Variants in GPC6 observed in about 807,000 individuals in gnomAD.
GPC6 encodes glypican 6.
A neutral mutation model predicts 55.2 loss-of-function variants in GPC6; 14 were observed. That is an observed-to-expected ratio of 0.25 (90% CI 0.17 to 0.40). The LOEUF is 0.40. GPC6 is among the 10% of genes least tolerant of loss of function. The pLI is 1.00. For synonymous variants in GPC6, 278 were observed against 259.6 expected, an observed-to-expected ratio of 1.07 and a Z score of -0.68; for missense variants, 641 against 708.5, an observed-to-expected ratio of 0.90 and a Z score of 1.08.
At chr13:93,621,980 G>T (rs1441043803) in intron 2 of GPC6, among the ~76,000 whole-genome samples, 2 of 151,820 alleles carry the variant, frequency 1.3e-5, no homozygotes, top group Non-Finnish European at 2.9e-5. Context: ...CTGTATGTTT[G>T]TACCCATTAA....
At chr13:93,490,136 T>C (rs906809734) in intron 1 of GPC6, among the ~76,000 whole-genome samples, 1 of 151,436 alleles carries the variant, frequency 6.6e-6, no homozygotes, top group Non-Finnish European at 1.5e-5. Context: ...TTTTGAGATA[T>C]GTCCCATCAA....
chr13:94,239,898 T>G (rs1032666542), intron 4 of GPC6, among the ~76,000 whole-genome samples: 2 of 152,062 alleles, frequency 1.3e-5, no homozygotes, highest in African/African-American at 4.8e-5. Flanking sequence ...TGGGGAGATG[T>G]GTTGTGCAAA....
At chr13:94,170,051 G>T (rs1191756208) in intron 4 of GPC6, among the ~76,000 whole-genome samples, 1 of 152,128 alleles carries the variant, frequency 6.6e-6, no homozygotes, top group African/African-American at 2.4e-5. Context: ...CTTTGGCACT[G>T]CTACTGTTGG....
chr13:93,778,329 C>T (rs927802218), intron 2 of GPC6, among the ~76,000 whole-genome samples: 6 of 151,894 alleles, frequency 4.0e-5, no homozygotes, highest in Non-Finnish European at 7.4e-5. Context: ...CTGTTGGTAC[C>T]AAAACGAAGA....
chr13:94,230,849 C>G (rs908021092), intron 4 of GPC6, among the ~76,000 whole-genome samples: 1 of 152,156 alleles, frequency 6.6e-6, no homozygotes, highest in Admixed American at 6.5e-5. Context: ...CTGTGCCAGA[C>G]ATCATAATAA....
chr13:93,598,620 C>T (rs1359367872), intron 2 of GPC6, among the ~76,000 whole-genome samples: 2 of 152,098 alleles, frequency 1.3e-5, no homozygotes, highest in East Asian at 1.9e-4. Flanking sequence ...CATTATTAAA[C>T]CTACTTTTGA....
intron 2 of GPC6, among the ~76,000 whole-genome samples, chr13:93,675,130 A>G (rs187325919): frequency 1.1e-3 from 164 of 152,272 alleles, no homozygotes; most frequent in African/African-American, 3.7e-3. Flanking sequence ...GAACAAGTGC[A>G]GTGTACAAGT....
intron 1 of GPC6, among the ~76,000 whole-genome samples, chr13:93,505,553 A>G (rs188108093): frequency 6.6e-6 from 1 of 152,276 alleles, no homozygotes. Context: ...CTTATCTGAC[A>G]TGCATATTTT....
At chr13:94,392,660 C>T (rs946192678) in intron 7 of GPC6, among the ~76,000 whole-genome samples, 1 of 147,668 alleles carries the variant, frequency 6.8e-6, no homozygotes, top group Non-Finnish European at 1.5e-5. Flanking sequence ...AACTCTCGAC[C>T]TCAGGTGATC....
intron 8 of GPC6, 86 bp from the exon 9 acceptor site, chr13:94,402,929 T>G (rs1193507083): frequency 2.0e-6 from 2 of 978,910 alleles, no homozygotes; most frequent in Non-Finnish European, 3.3e-6. Context: ...ATTATGGGGA[T>G]TACAATTCAA....
chr13:93,642,364 G>A (rs1322968825), intron 2 of GPC6, among the ~76,000 whole-genome samples: 1 of 152,058 alleles, frequency 6.6e-6, no homozygotes, highest in Non-Finnish European at 1.5e-5. Flanking sequence ...AGGTGTATAA[G>A]TGTCACATTT....
intron 1 of GPC6, among the ~76,000 whole-genome samples, chr13:93,325,459 A>G (rs2139129070): frequency 6.6e-6 from 1 of 152,278 alleles, no homozygotes; most frequent in East Asian, 1.9e-4. Context: ...TCAGTAAGAG[A>G]GGAACACAGG....
intron 2 of GPC6, among the ~76,000 whole-genome samples, chr13:93,642,576 G>A (rs1004466527): frequency 6.6e-6 from 1 of 151,994 alleles, no homozygotes; most frequent in Non-Finnish European, 1.5e-5. Context: ...TCTTTAAACT[G>A]TTTTTCAAGT....
chr13:93,502,276 AAG>A (rs1297166488), intron 1 of GPC6, among the ~76,000 whole-genome samples: 3 of 151,998 alleles, frequency 2.0e-5, no homozygotes, highest in African/African-American at 7.2e-5. Flanking sequence ...GAGGGGGAGA[AAG>A]AGAGTGAGAG....
At chr13:93,799,794 C>T (rs1196865317) in intron 2 of GPC6, among the ~76,000 whole-genome samples, 2 of 152,164 alleles carry the variant, frequency 1.3e-5, no homozygotes, top group Non-Finnish European at 2.9e-5. Flanking sequence ...ATCAAAAGCT[C>T]TTCACAGCCA....
intron 2 of GPC6, among the ~76,000 whole-genome samples, chr13:93,776,687 A>G (rs767157941): frequency 3.9e-5 from 6 of 152,216 alleles, no homozygotes; most frequent in Non-Finnish European, 8.8e-5. Flanking sequence ...CTTCACTAGA[A>G]GAAGTTTGGA....
Position 93,661,375 on chromosome 13 carries a change from G to A in GPC6, c.319+115954G>A, listed in dbSNP as rs540764010. 7.2e-5 allele frequency among the ~76,000 whole-genome samples: 11 copies of A among 152,006 alleles called. No individual in the cohort carries two copies. The South Asian group carries it at 8.3e-4, about 12-fold the overall frequency. The stretch of plus-strand genomic sequence containing the variant: ...AATACAGGCACCCACCACCATGCCC[G>A]GCTAATTTTTGTATTTTTAGTACAG... On this transcript the variant is annotated intron_variant, in intron 2 of 8. Coordinates refer to ENST00000377047, the MANE Select transcript of GPC6 (RefSeq NM_005708.5).
intron 6 of GPC6, among the ~76,000 whole-genome samples, chr13:94,342,228 G>A (rs1210834745): frequency 6.6e-6 from 1 of 152,280 alleles, no homozygotes; most frequent in Admixed American, 6.5e-5. Flanking sequence ...GTTGAATTGC[G>A]TCCCCCAAAA....
rs977438659 is a variant in GPC6 at position 93,765,341 on chromosome 13, A to G, written c.320-64813A>G. ...TTAAGTATTAGAAATCTTTGTACTT[A>G]TAAATATATGCAACCAGATGTTACA... On this transcript the variant is annotated intron_variant, in intron 2 of 8. Transcript: ENST00000377047. 4.0e-5 allele frequency among the ~76,000 whole-genome samples: 5 copies of G among 126,352 alleles called. No individual in the cohort carries two copies. The East Asian group carries it at 1.2e-3, about 29-fold the overall frequency. 82.9% of individuals were successfully genotyped at this position (126,352 alleles called of 152,430 possible).
Sources: allele counts gnomAD v4.1 joint callset (sites outside exome capture counted in the v4.1 genomes callset), GRCh38; gene constraint gnomAD v4.1.1; transcripts MANE v1.5; gene names NCBI Gene and HGNC (gene_info 2026-07-23, HGNC 2026-07-21).